EYS: variants seen among roughly 807,000 people sequenced by gnomAD.
EYS encodes the protein protein eyes shut homolog.
EYS carries 250 observed loss-of-function variants against 282.1 expected under a neutral mutation model. The observed-to-expected ratio is 0.89, with a 90% CI of 0.80 to 0.98. EYS has a LOEUF of 0.98. Among genes scored for constraint, EYS ranks in the 50% least tolerant of loss-of-function variants. The pLI, the probability that EYS is intolerant of heterozygous loss-of-function variation, is 0.00. For synonymous variants in EYS, 1,355 were observed against 1,282.9 expected (o/e 1.06, Z -1.20); for missense variants, 4,016 against 3,709.0 (o/e 1.08, Z -2.15).
chr6:63,865,268 T>C (rs1056800420), intron 35 of EYS, among the ~76,000 whole-genome samples: 1 of 152,170 alleles, frequency 6.6e-6, no homozygotes, highest in African/African-American at 2.4e-5. Flanking sequence ...AGAGCCTAGC[T>C]GAGAATAAAT....
intron 30 of EYS, among the ~76,000 whole-genome samples, chr6:64,266,771 C>T (rs974521720): frequency 3.3e-5 from 5 of 152,112 alleles, no homozygotes; most frequent in Non-Finnish European, 7.4e-5. Flanking sequence ...CTCTAGGGGA[C>T]ATGGGCTAAC....
At chr6:63,837,787 A>G (rs2149695557) in intron 36 of EYS, among the ~76,000 whole-genome samples, 1 of 152,222 alleles carries the variant, frequency 6.6e-6, no homozygotes, top group East Asian at 1.9e-4. Flanking sequence ...TTTCCTTGTC[A>G]ACATCAATAT....
At chr6:65,060,829 C>A (rs1222727130) in intron 12 of EYS, among the ~76,000 whole-genome samples, 2 of 148,768 alleles carry the variant, frequency 1.3e-5, no homozygotes, top group East Asian at 4.0e-4. Context: ...TATGTAATTT[C>A]TTTAAAATGT....
intron 29 of EYS, among the ~76,000 whole-genome samples, chr6:64,343,656 G>A (rs1270625039): frequency 2.6e-5 from 4 of 152,042 alleles, no homozygotes; most frequent in East Asian, 1.9e-4. Flanking sequence ...AACTGGAGAA[G>A]CAAGAGCAAA....
chr6:65,520,368 A>G (rs1232903377), intron 2 of EYS, among the ~76,000 whole-genome samples: 2 of 152,272 alleles, frequency 1.3e-5, no homozygotes, highest in East Asian at 1.9e-4. Context: ...TAACAAGGCT[A>G]TTGCTAAGAT....
At chr6:64,669,348 C>A (rs572484546) in intron 22 of EYS, among the ~76,000 whole-genome samples, 9 of 152,140 alleles carry the variant, frequency 5.9e-5, no homozygotes, top group South Asian at 2.1e-4. Flanking sequence ...CTGATATTCA[C>A]CCTTTGATGC....
At chr6:64,959,009 A>C (rs533915564) in intron 14 of EYS, among the ~76,000 whole-genome samples, 1 of 152,092 alleles carries the variant, frequency 6.6e-6, no homozygotes, top group African/African-American at 2.4e-5. Flanking sequence ...ATTTTGTCTT[A>C]TGGTTAGCCA....
At chr6:64,955,808 T>C (rs190945525) in intron 14 of EYS, among the ~76,000 whole-genome samples, 122 of 152,278 alleles carry the variant, frequency 8.0e-4, no homozygotes, top group African/African-American at 2.8e-3. Flanking sequence ...CTTTCTTATT[T>C]TTCCCCACAG....
intron 22 of EYS, among the ~76,000 whole-genome samples, chr6:64,697,400 G>T (rs1326328035): frequency 6.6e-6 from 1 of 152,060 alleles, no homozygotes; most frequent in Non-Finnish European, 1.5e-5. Flanking sequence ...AATATTATTA[G>T]ACCTAAGGAA....
intron 4 of EYS, among the ~76,000 whole-genome samples, chr6:65,493,394 T>A (rs551470162): frequency 6.6e-6 from 1 of 152,310 alleles, no homozygotes; most frequent in East Asian, 1.9e-4. Context: ...ATGACCAAAA[T>A]ACATACCAAT....
At chr6:64,314,194 CAAAAAAAAAAAA>C (rs138447983) in intron 29 of EYS, among the ~76,000 whole-genome samples, 1 of 27,676 alleles carries the variant, frequency 3.6e-5, no homozygotes, top group African/African-American at 1.5e-4. Context: ...AAATGGAAAG[CAAAAAAAAAAAA>C]AAAAAAAAAA....
chr6:65,556,389 G>GTGTGTGTGTGTGTC (rs1205593730), intron 2 of EYS, among the ~76,000 whole-genome samples: 1 of 97,690 alleles, frequency 1.0e-5, no homozygotes, highest in Non-Finnish European at 1.9e-5. Context: ...TGCTGGGTTT[G>GTGTGTGTGTGTGTC]TGTGTGTGTG....
At chr6:63,723,339 G>A (rs1192211743) in intron 42 of EYS, among the ~76,000 whole-genome samples, 1 of 152,136 alleles carries the variant, frequency 6.6e-6, no homozygotes, top group Non-Finnish European at 1.5e-5. Context: ...ACTGGAACAA[G>A]TAAACATAAT....
intron 31 of EYS, among the ~76,000 whole-genome samples, chr6:64,210,200 G>A (rs1245393404): frequency 6.6e-6 from 1 of 152,150 alleles, no homozygotes; most frequent in African/African-American, 2.4e-5. Flanking sequence ...TCGATCATTA[G>A]CATTTTCCAA....
At chr6:65,281,551 G>A (rs1768220107) in intron 12 of EYS, among the ~76,000 whole-genome samples, 2 of 152,118 alleles carry the variant, frequency 1.3e-5, no homozygotes, top group African/African-American at 4.8e-5. Flanking sequence ...AATGCTTGCA[G>A]CTGCACACTT....
intron 8 of EYS, among the ~76,000 whole-genome samples, chr6:65,367,207 C>T (rs1249680152): frequency 6.6e-6 from 1 of 151,590 alleles, no homozygotes; most frequent in Non-Finnish European, 1.5e-5. Context: ...TGTGAAACTC[C>T]TTCTAAAGTA....
chr6:64,615,923 T>C (rs9345304), intron 24 of EYS, among the ~76,000 whole-genome samples: 2,220 of 152,178 alleles, frequency 0.015, 44 homozygotes, highest in East Asian at 0.097. Flanking sequence ...TCCAAGATGT[T>C]TCTATTTCTA....
intron 35 of EYS, among the ~76,000 whole-genome samples, chr6:63,975,229 C>A (rs981591384): frequency 2.6e-5 from 4 of 151,862 alleles, no homozygotes; most frequent in African/African-American, 9.7e-5. Context: ...GTTTTACAAA[C>A]TTGAGATTAT....
chr6:65,331,985 A>C (rs1418496861), intron 11 of EYS: 1 of 164,258 alleles, frequency 6.1e-6, no homozygotes, highest in African/African-American at 2.4e-5. Flanking sequence ...TTTGTAAAGA[A>C]CATATATTTT....
Sources: gnomAD v4.1 joint callset for allele counts (sites outside exome capture counted in the v4.1 genomes callset) on GRCh38, gnomAD v4.1.1 for gene constraint, MANE v1.5 for transcripts, NCBI Gene and HGNC (gene_info 2026-07-23, HGNC 2026-07-21) for gene names.